R3HCC1: variants seen among roughly 807,000 people sequenced by gnomAD.
The protein encoded by R3HCC1 is R3H and coiled-coil domain-containing protein 1.
In R3HCC1, 32 loss-of-function variants were observed where a neutral mutation model predicts 40.0. That is an observed-to-expected ratio of 0.80 (90% confidence interval 0.60 to 1.07). The LOEUF (loss-of-function observed/expected upper bound fraction) is 1.07. R3HCC1 is among the 50% of genes least tolerant of loss of function. The probability of loss-of-function intolerance (pLI) is 0.00; values close to 1 mark genes in which losing one functional copy is unlikely to be tolerated. For synonymous variants in R3HCC1, 237 were observed against 232.8 expected (o/e 1.02, Z -0.17); for missense variants, 586 against 563.3 (o/e 1.04, Z -0.41).
At position 23,290,225 on chromosome 8, in the gene R3HCC1, A is replaced by C; in HGVS notation, c.608A>C (p.Glu203Ala). The change falls in exon 4 of 8, where the codon GAG (glutamate) becomes GCG (alanine). Residue 203 changes from glutamate to alanine, a missense_variant. Physicochemically the swap from Glu to Ala is moderately radical, Grantham distance 107. Coordinates refer to ENST00000265806, the MANE Select transcript of R3HCC1 (RefSeq NM_001136108.3). ...CTAAAGGGCCCAGGACAAAGGTGTG[A>C]GAATGAGCCACTGCTGGACCCTGTT... The C allele has an allele frequency of 6.4e-7, 1 of 1,551,732 alleles. No homozygotes were observed. Among genetic ancestry groups the C allele is most frequent in the South Asian group, 1.2e-5 (1 of 84,066 alleles).
rs1803008351 is a variant in R3HCC1, at chr8:23,296,032, C to CGGGCCCTGGG, written c.1259_1268dup (p.Leu424GlyfsTer65). The CGGGCCCTGGG allele has an allele frequency of 2.6e-6, 4 of 1,550,738 alleles. No homozygotes were observed. The highest frequency in any genetic ancestry group is 1.7e-6 in the Non-Finnish European group (2 of 1,146,908). On this transcript the variant is annotated frameshift_variant, in exon 8 of 8. Coordinates refer to ENST00000265806, the MANE Select transcript of R3HCC1 (RefSeq NM_001136108.3). LOFTEE classifies it high-confidence loss of function. ...GACTGTGGCCCGGCGGCTGGTGGCC[C>CGGGCCCTGGG]GGGCCCTGGGACTCCAACACAAAAA...
At position 23,290,025 on chromosome 8, in the gene R3HCC1, T is replaced by C; in HGVS notation, c.408T>C (p.Pro136=). ...ATCGTGGACGCAAGCCTGACCAGCC[T>C]TTGTATGTGCCCCGGGTGCTGCGCA... The change falls in exon 4 of 8, where the codon CCT becomes CCC. Residue 136 remains proline (P), a synonymous_variant. Transcript: ENST00000265806. 1 of 1,541,100 alleles carries C rather than the reference T, an allele frequency of 6.5e-7. No homozygotes were observed.
intron 5 of R3HCC1, among the ~76,000 whole-genome samples, chr8:23,292,956 C>T (rs1402965552): frequency 6.6e-6 from 1 of 152,188 alleles, no homozygotes; most frequent in Non-Finnish European, 1.5e-5. Context: ...CCTTTCTTCC[C>T]CAGCCTCAGA....
intron 4 of R3HCC1, chr8:23,291,065 G>T: frequency 3.7e-6 from 1 of 271,800 alleles, no homozygotes; most frequent in Non-Finnish European, 7.0e-6. Context: ...TAACTCTTGG[G>T]CCTTCAGTTT....
At position 23,290,309 on chromosome 8, in the gene R3HCC1, C is replaced by G; in HGVS notation, c.692C>G (p.Ala231Gly). ...GGGAAGGGAGACATGGTGGAGATGGCCACACGGTTTGGGTCCACCCTGCAG... is the reference window on the plus strand; with the variant it reads ...GGGAAGGGAGACATGGTGGAGATGGGCACACGGTTTGGGTCCACCCTGCAG... The change falls in exon 4 of 8, where the codon GCC becomes GGC. Residue 231 changes from alanine to glycine, a missense_variant. Physicochemically the swap from Ala to Gly is moderately conservative, Grantham distance 60. Coordinates refer to ENST00000265806, the MANE Select transcript of R3HCC1 (RefSeq NM_001136108.3). 1 of 1,551,710 alleles carries G rather than the reference C, an allele frequency of 6.4e-7. No individual in the cohort carries two copies. The highest frequency in any genetic ancestry group is 8.7e-7 in the Non-Finnish European group (1 of 1,147,014).
chr8:23,288,672 G>A (rs2117118132), intron 2 of R3HCC1, 39 bp downstream of exon 2: 3 of 1,531,194 alleles, frequency 2.0e-6, no homozygotes, highest in Non-Finnish European at 2.6e-6. Context: ...GCCTTGCTGG[G>A]AAGGGCAGGG....
Position 23,291,427 on chromosome 8 carries a change from G to A in R3HCC1, c.919G>A (p.Val307Met), listed in dbSNP as rs2272761. The A allele has an allele frequency of 0.56, 868,549 of 1,548,580 alleles. 246,384 individuals are homozygous for A. The highest frequency in any genetic ancestry group is 0.79 in the East Asian group (32,149 of 40,860). The change falls in exon 5 of 8, where the codon GTG becomes ATG. Residue 307 changes from valine (V) to methionine (M), a missense_variant. Physicochemically the swap from Val to Met is conservative, Grantham distance 21. Coordinates refer to ENST00000265806, the MANE Select transcript of R3HCC1 (RefSeq NM_001136108.3). ...GATCCATTTGGACACATCCTCCTTCGTGGAGGAGCTGCCTGGAGAGAAGGA... is the reference window on the plus strand; with the variant it reads ...GATCCATTTGGACACATCCTCCTTCATGGAGGAGCTGCCTGGAGAGAAGGA...
chr8:23,295,275 G>A (rs371942440), intron 7 of R3HCC1, among the ~76,000 whole-genome samples: 2 of 152,186 alleles, frequency 1.3e-5, no homozygotes, highest in African/African-American at 4.8e-5. Flanking sequence ...AGTTACTTCA[G>A]TTGGTCTCAG....
Position 23,296,168 on chromosome 8 carries a change from C to G in R3HCC1, c.*71C>G, listed in dbSNP as rs1803015191. Reference sequence around the variant, plus strand: ...GCGCCCCCAACACCATAAGCCTTCACAGACGCCAGAGCAGCCCCGCACCAC... The same window carrying G: ...GCGCCCCCAACACCATAAGCCTTCAGAGACGCCAGAGCAGCCCCGCACCAC... On this transcript the variant is annotated 3_prime_UTR_variant, in exon 8 of 8. Coordinates refer to ENST00000265806, the MANE Select transcript of R3HCC1 (RefSeq NM_001136108.3). 6.7e-7 allele frequency: 1 copy of G among 1,487,436 alleles called. No individual in the cohort carries two copies. The highest frequency in any genetic ancestry group is 1.4e-5 in the African/African-American group (1 of 71,264). 92.1% of individuals were successfully genotyped at this position (1,487,436 alleles called of 1,614,324 possible).
In R3HCC1 at chr8:23,289,990, G is replaced by A; in HGVS notation, c.373G>A (p.Gly125Ser). 6.5e-7 allele frequency: 1 copy of A among 1,537,042 alleles called. No individual in the cohort carries two copies. The highest frequency in any genetic ancestry group is 8.7e-7 in the Non-Finnish European group (1 of 1,146,936). ...TGCGGTTCCCCGAGGTGCCCGGGCT[G>A]GCCGGTGGTATCGTGGACGCAAGCC... The change falls in exon 4 of 8, where the codon GGC (glycine) becomes AGC (serine). Residue 125 changes from glycine (G) to serine (S), a missense_variant. Gly to Ser is a moderately conservative substitution (Grantham distance 56). Coordinates refer to ENST00000265806, the MANE Select transcript of R3HCC1 (RefSeq NM_001136108.3).
rs916882339 is a variant in R3HCC1, at chr8:23,291,348, C to G, written c.853-13C>G. 11 of 1,547,542 alleles carry G rather than the reference C, an allele frequency of 7.1e-6. No individual in the cohort carries two copies. Among genetic ancestry groups the G allele is most frequent in the Non-Finnish European group, 9.6e-6 (11 of 1,143,578 alleles). Reference sequence around the variant, plus strand: ...GTCCAAGCTCCCCTTGCTAAGGGTCCGATCTCTCCTAGATCACAGACAACC... The same window carrying G: ...GTCCAAGCTCCCCTTGCTAAGGGTCGGATCTCTCCTAGATCACAGACAACC... On this transcript the variant is annotated splice_polypyrimidine_tract_variant and intron_variant, in intron 4 of 7. Transcript: ENST00000265806.
Position 23,289,949 on chromosome 8 carries a change from C to G in R3HCC1, c.332C>G (p.Ser111Cys), listed in dbSNP as rs553729859. The change falls in exon 4 of 8, where the codon TCC becomes TGC. Residue 111 changes from serine (S) to cysteine (C), a missense_variant. By Grantham distance (112) the Ser-to-Cys change is moderately radical. Coordinates refer to ENST00000265806, the MANE Select transcript of R3HCC1 (RefSeq NM_001136108.3). ...AGGTACCACGGTCCTCGGCCCATCTCCAACCAAGGAGCAGCTGCGGTTCCC... is the reference window on the plus strand; with the variant it reads ...AGGTACCACGGTCCTCGGCCCATCTGCAACCAAGGAGCAGCTGCGGTTCCC... 6.5e-7 allele frequency: 1 copy of G among 1,536,244 alleles called. No individual in the cohort carries two copies. Among genetic ancestry groups the G allele is most frequent in the Admixed American group, 2.0e-5 (1 of 51,008 alleles).
chr8:23,293,883 C>T (rs1002538699), intron 6 of R3HCC1, among the ~76,000 whole-genome samples: 1 of 152,150 alleles, frequency 6.6e-6, no homozygotes, highest in South Asian at 2.1e-4. Context: ...TGTCACAGCT[C>T]GGGGCACCAC....
In R3HCC1 at chr8:23,289,092, A is replaced by T. The variant is rs930295689; in HGVS notation, c.187A>T (p.Ser63Cys). 2 of 1,536,408 alleles carry T rather than the reference A, an allele frequency of 1.3e-6. No individual in the cohort carries two copies. Among genetic ancestry groups the T allele is most frequent in the Non-Finnish European group, 1.7e-6 (2 of 1,146,950 alleles). The change falls in exon 3 of 8, where the codon AGC (serine) becomes TGC (cysteine). Residue 63 changes from serine to cysteine, a missense_variant. Transcript: ENST00000265806. Reference sequence around the variant, plus strand: ...AACAGCAGAGAATTTTGATCTCTTGAGCAGCTTCTCCGTTGGGGAGGGCTG... The same window carrying T: ...AACAGCAGAGAATTTTGATCTCTTGTGCAGCTTCTCCGTTGGGGAGGGCTG...
rs915157473 is a variant in R3HCC1, at chr8:23,289,015, G to C, written c.111-1G>C. 1 of 1,536,506 alleles carries C rather than the reference G, an allele frequency of 6.5e-7. No homozygotes were observed. Among genetic ancestry groups the C allele is most frequent in the Admixed American group, 2.0e-5 (1 of 51,000 alleles). ...CAGCACTTCTTCCCCTCCCTCCCCAGGGTTCTTCTTTTCCCCCCACTCTCC... is the reference window on the plus strand; with the variant it reads ...CAGCACTTCTTCCCCTCCCTCCCCACGGTTCTTCTTTTCCCCCCACTCTCC... On this transcript the variant is annotated splice_acceptor_variant, in intron 2 of 7. Coordinates refer to ENST00000265806, the MANE Select transcript of R3HCC1 (RefSeq NM_001136108.3). LOFTEE classifies it high-confidence loss of function.
chr8:23,289,257 ACCCCCGGCTGCTGCCATTC>A, intron 3 of R3HCC1, 104 bp downstream of exon 3: 1 of 1,290,836 alleles, frequency 7.7e-7, no homozygotes, highest in Non-Finnish European at 1.0e-6. Flanking sequence ...CAGGGCTGGG[ACCCCCGGCTGCTGCCATTC>A]CTAGCTGCAG....
In R3HCC1 at chr8:23,291,572, G is replaced by A. The variant is rs761976593; in HGVS notation, c.1025+39G>A. On this transcript the variant is annotated intron_variant, in intron 5 of 7. Transcript: ENST00000265806. ...GGGGAGGTGCTGCCTTCAGAGAGGA[G>A]CTAAGATACTTCTCTGTAGCTGGGG... is the stretch of plus-strand genomic sequence containing the variant. 4 of 1,546,336 alleles carry A rather than the reference G, an allele frequency of 2.6e-6. No individual in the cohort carries two copies. The East Asian group carries it at 9.8e-5, about 38-fold the overall frequency.
Position 23,294,810 on chromosome 8 carries a change from C to T in R3HCC1, c.1138C>T (p.Arg380Trp), listed in dbSNP as rs1343036759. The stretch of plus-strand genomic sequence containing the variant: ...CCGGGAGTTCTCGGTGCTCAAGATC[C>T]GGCCCCTCACACAGGGAACCAAGCA... Residue 380 changes from arginine (R) to tryptophan (W), a missense_variant, in exon 7 of 8, where the codon CGG becomes TGG. Physicochemically the swap from Arg to Trp is moderately radical, Grantham distance 101. Transcript: ENST00000265806. 3.9e-6 allele frequency: 6 copies of T among 1,551,364 alleles called. No individual in the cohort carries two copies. Among genetic ancestry groups the T allele is most frequent in the African/African-American group, 1.4e-5 (1 of 73,084 alleles).
intron 4 of R3HCC1, 178 bp from the exon 5 acceptor site, chr8:23,291,183 C>T: frequency 4.0e-6 from 3 of 744,118 alleles, no homozygotes; most frequent in South Asian, 2.2e-5. Flanking sequence ...TAAGTGCCCT[C>T]CCGTAAAACC....
Sources: allele counts gnomAD v4.1 joint callset (sites outside exome capture counted in the v4.1 genomes callset), GRCh38; gene constraint gnomAD v4.1.1; transcripts MANE v1.5; gene names NCBI Gene and HGNC (gene_info 2026-07-23, HGNC 2026-07-21).